The following SPPL2B variants were observed in gnomAD, a reference collection of about 807,000 sequenced individuals.
SPPL2B encodes signal peptide peptidase-like 2B.
In SPPL2B, 39 loss-of-function variants were observed where a neutral mutation model predicts 59.7. That is an observed-to-expected ratio of 0.65 (90% CI 0.51 to 0.85). SPPL2B has a LOEUF of 0.85. Ranked by LOEUF, SPPL2B falls within the 40% of genes least tolerant of loss-of-function variation. SPPL2B has a pLI of 0.00. For synonymous variants in SPPL2B, 419 were observed against 370.8 expected, an observed-to-expected ratio of 1.13 and a Z score of -1.49; for missense variants, 865 against 849.0, an observed-to-expected ratio of 1.02 and a Z score of -0.23.
chr19:2,339,966 G>C lies in SPPL2B; in HGVS notation c.742G>C (p.Val248Leu), dbSNP rs754718982. The change falls in exon 6 of 15, where the codon GTG (valine) becomes CTG (leucine). Residue 248 changes from valine to leucine, a missense_variant and splice_region_variant. Coordinates refer to ENST00000613503, the MANE Select transcript of SPPL2B (RefSeq NM_152988.3). ...VLLYYFYDLLVYVVIGIFCLA... is the reference protein window; with the variant it reads ...VLLYYFYDLLLYVVIGIFCLA... Reference sequence around the variant, plus strand: ...GCTCTACTATTTCTACGATCTCCTCGGTGCGCGGCCCCGGGCGGGTGGGCC... The same window carrying C: ...GCTCTACTATTTCTACGATCTCCTCCGTGCGCGGCCCCGGGCGGGTGGGCC... The C allele has an allele frequency of 6.4e-7, 1 of 1,553,290 alleles. No homozygotes were observed. The highest frequency in any genetic ancestry group is 8.7e-7 in the Non-Finnish European group (1 of 1,147,788).
chr19:2,332,440 CT>C lies in SPPL2B; in HGVS notation c.67-2161del. Among the ~76,000 whole-genome samples the C allele has an allele frequency of 6.6e-6, 1 of 152,386 alleles. No individual in the cohort carries two copies. Among genetic ancestry groups the C allele is most frequent in the East Asian group, 1.9e-4 (1 of 5,192 alleles). On this transcript the variant is annotated intron_variant, in intron 1 of 14. Transcript: ENST00000613503. This position sits in a 1 kb window ranked among gnomAD's most constrained non-coding sequence, Gnocchi z 4.6. ...CAGTCCTAGCTTGGCAGAGCTGCGT[CT>C]GCACTGTTTTCCCTTGTGGCGTTGT...
chr19:2,335,655 C>A (rs56393918), intron 2 of SPPL2B, among the ~76,000 whole-genome samples: 1 of 138,682 alleles, frequency 7.2e-6, no homozygotes, highest in African/African-American at 2.6e-5. Flanking sequence ...CTTTCCCACC[C>A]CATCCCTCAG....
In SPPL2B at chr19:2,351,549, C is replaced by G. The variant is rs770896517; in HGVS notation, c.1470C>G (p.Leu490=). 1.9e-6 allele frequency: 3 copies of G among 1,611,402 alleles called. No homozygotes were observed. Among genetic ancestry groups the G allele is most frequent in the South Asian group, 1.1e-5 (1 of 91,046 alleles). ...CTLVTSCAVA[L]WRRELGVFWT... ...TGGTGACGAGCTGCGCTGTGGCGCT[C>G]TGGCGCCGGGAGCTGGGCGTGTTCT... Residue 490 remains leucine, a synonymous_variant, in exon 14 of 15, where the codon CTC becomes CTG. Transcript: ENST00000613503.
rs1968315903 is a variant in SPPL2B at position 2,332,013 on chromosome 19, C to T, written c.67-2589C>T. 6.6e-6 allele frequency among the ~76,000 whole-genome samples: 1 copy of T among 152,250 alleles called. No individual in the cohort carries two copies. On this transcript the variant is annotated intron_variant, in intron 1 of 14. Transcript: ENST00000613503. The surrounding 1 kb of genome is among the most constrained non-coding windows in gnomAD (Gnocchi z 4.6). ...TGTGTTGGAAGGGGCACCCTCCGGGCTCGGCACCGGGGCCAGACTAAGGGG... is the reference window on the plus strand; with the variant it reads ...TGTGTTGGAAGGGGCACCCTCCGGGTTCGGCACCGGGGCCAGACTAAGGGG...
At chr19:2,346,930 C>T (rs1473847204) in intron 13 of SPPL2B, among the ~76,000 whole-genome samples, 2 of 152,286 alleles carry the variant, frequency 1.3e-5, no homozygotes, top group East Asian at 3.9e-4. Flanking sequence ...GAAAAAGTGC[C>T]GGGAGCAGTG....
At chr19:2,337,324 G>C (rs566745773) in intron 2 of SPPL2B, 119 bp from the exon 3 acceptor site, 2 of 991,446 alleles carry the variant, frequency 2.0e-6, no homozygotes, top group Non-Finnish European at 1.5e-6. Context: ...GAGGCCGTGC[G>C]GGGCTTTAGG....
At chr19:2,343,848 G>C (rs1407292206) in intron 9 of SPPL2B, 117 bp from the exon 10 acceptor site, 9 of 745,596 alleles carry the variant, frequency 1.2e-5, no homozygotes, top group Non-Finnish European at 1.6e-5. Flanking sequence ...CACTGGGCAC[G>C]CTCTGCTCAG....
chr19:2,336,792 G>T (rs900663995), intron 2 of SPPL2B, among the ~76,000 whole-genome samples: 20 of 147,866 alleles, frequency 1.4e-4, no homozygotes, highest in South Asian at 4.3e-4. Context: ...CCTGGCTGTG[G>T]GTGTGTGTGT....
chr19:2,350,142 C>T (rs1969825311), intron 13 of SPPL2B, among the ~76,000 whole-genome samples: 1 of 149,454 alleles, frequency 6.7e-6, no homozygotes, highest in South Asian at 2.1e-4. Flanking sequence ...ATTCCGTTCT[C>T]TCTCTCCACA....
chr19:2,334,990 G>C (rs192838545), intron 2 of SPPL2B, among the ~76,000 whole-genome samples: 1 of 152,054 alleles, frequency 6.6e-6, no homozygotes, highest in Non-Finnish European at 1.5e-5. Context: ...GCTCCATGCC[G>C]GGGACCCTAT....
intron 5 of SPPL2B, among the ~76,000 whole-genome samples, chr19:2,339,516 G>A (rs1285806646): frequency 6.6e-6 from 1 of 152,200 alleles, no homozygotes; most frequent in Non-Finnish European, 1.5e-5. Flanking sequence ...GAGCCGCCTG[G>A]GTCTGGGGAG....
intron 13 of SPPL2B, 131 bp downstream of exon 13, chr19:2,345,461 A>G (rs377065105): frequency 1.3e-5 from 10 of 777,006 alleles, no homozygotes; most frequent in East Asian, 1.1e-4. Flanking sequence ...CACCGTAACC[A>G]TAACACCCTA....
At chr19:2,351,701 G>A (rs1318569894) in intron 14 of SPPL2B, 107 bp downstream of exon 14, 17 of 1,439,218 alleles carry the variant, frequency 1.2e-5, no homozygotes, top group Admixed American at 4.2e-5. Context: ...CGGCCGCGAC[G>A]GGGCTCAGGG....
rs370733946 is a variant in SPPL2B at position 2,339,219 on chromosome 19, C to T, written c.599+11C>T. On this transcript the variant is annotated intron_variant, in intron 5 of 14. Transcript: ENST00000613503. ...TCGGGACGTGAAGAAGTGAGTTTCG[C>T]ATCGTGCGTGTGCTGTGACGGGGTC... The T allele has an allele frequency of 2.5e-4, 404 of 1,601,080 alleles. No homozygotes were observed. Among genetic ancestry groups the T allele is most frequent in the Middle Eastern group, 1.3e-3 (7 of 5,488 alleles).
At position 2,353,217 on chromosome 19, in the gene SPPL2B, G is replaced by T. The variant is rs760367178; in HGVS notation, c.*8G>T. On this transcript the variant is annotated 3_prime_UTR_variant, in exon 15 of 15. Transcript: ENST00000613503. ...CCTGGCGCCTCGGCCTAGGGGAGGG[G>T]TGAGACGCTCGCTGCCGTGCCCGCC... 2 of 1,584,394 alleles carry T rather than the reference G, an allele frequency of 1.3e-6. No individual in the cohort carries two copies. Among genetic ancestry groups the T allele is most frequent in the South Asian group, 1.1e-5 (1 of 88,302 alleles).
intron 13 of SPPL2B, among the ~76,000 whole-genome samples, chr19:2,347,857 A>G (rs1229543935): frequency 1.8e-4 from 6 of 33,560 alleles, no homozygotes; most frequent in Non-Finnish European, 2.5e-4. Context: ...ACACACACAC[A>G]CTCTCATTCG....
In SPPL2B at chr19:2,344,648, G is replaced by A; in HGVS notation, c.1272G>A (p.Val424=). The change falls in exon 12 of 15, where the codon GTG becomes GTA. Residue 424 remains valine, a synonymous_variant. Transcript: ENST00000613503. The part of the protein sequence containing the change: ...FSLLGFGDIL[V]PGLLVAYCHR... ...TCCTGGGTTTCGGAGACATTTTGGT[G>A]CCAGGTACTGAGGCGGGTGGAGCAC... 1 of 1,605,958 alleles carries A rather than the reference G, an allele frequency of 6.2e-7. No homozygotes were observed. The highest frequency in any genetic ancestry group is 8.5e-7 in the Non-Finnish European group (1 of 1,173,714).
chr19:2,336,285 T>C (rs1017046050), intron 2 of SPPL2B, among the ~76,000 whole-genome samples: 5 of 7,968 alleles, frequency 6.3e-4, no homozygotes, highest in Non-Finnish European at 9.0e-4. Flanking sequence ...TGCATGTGTG[T>C]CTGTATGTGT....
chr19:2,331,450 C>G (rs1968289051), intron 1 of SPPL2B, among the ~76,000 whole-genome samples: 1 of 152,132 alleles, frequency 6.6e-6, no homozygotes, highest in Non-Finnish European at 1.5e-5. Flanking sequence ...GTCTAGAACT[C>G]AGGGCCCTCT....
Sources: gnomAD v4.1 joint callset for allele counts (sites outside exome capture counted in the v4.1 genomes callset) on GRCh38, gnomAD v4.1.1 for gene constraint, Gnocchi (gnomAD v3.1) non-coding constraint, MANE v1.5 for transcripts, NCBI Gene and HGNC (gene_info 2026-07-23, HGNC 2026-07-21) for gene names.